GRID1: variants seen among roughly 807,000 people sequenced by gnomAD.
The protein encoded by GRID1 is glutamate receptor ionotropic, delta-1.
Under a neutral mutation model 98.0 loss-of-function variants are expected in GRID1, and 28 were observed. The observed-to-expected ratio is 0.29, with a 90% CI of 0.21 to 0.39. GRID1 has a LOEUF of 0.39. GRID1 is among the 10% of genes least tolerant of loss of function. The pLI is 1.00. For synonymous variants in GRID1, 553 were observed against 538.5 expected (o/e 1.03, Z -0.37); for missense variants, 1,111 against 1,340.5 (o/e 0.83, Z 2.67).
At chr10:85,781,736 T>C (rs570381174) in intron 8 of GRID1, among the ~76,000 whole-genome samples, 1 of 151,960 alleles carries the variant, frequency 6.6e-6, no homozygotes, top group East Asian at 1.9e-4. Context: ...GACAGTGTTA[T>C]ATAAGCCTGT....
At chr10:85,819,528 T>C (rs1842743737) in intron 8 of GRID1, among the ~76,000 whole-genome samples, 1 of 152,208 alleles carries the variant, frequency 6.6e-6, no homozygotes, top group Non-Finnish European at 1.5e-5. Context: ...TAACATCATA[T>C]GGATATCATG....
chr10:85,774,040 A>C (rs914154146), intron 8 of GRID1, among the ~76,000 whole-genome samples: 1 of 152,208 alleles, frequency 6.6e-6, no homozygotes, highest in African/African-American at 2.4e-5. Flanking sequence ...CAAAAGAACA[A>C]AGCTGTAGGC....
chr10:85,669,501 G>A (rs1210441616), intron 12 of GRID1, among the ~76,000 whole-genome samples: 1 of 152,170 alleles, frequency 6.6e-6, no homozygotes, highest in Non-Finnish European at 1.5e-5. Flanking sequence ...TACAGAGAGT[G>A]GAGTTCACAC....
chr10:85,996,284 G>A (rs1842737729), intron 4 of GRID1, among the ~76,000 whole-genome samples: 1 of 152,056 alleles, frequency 6.6e-6, no homozygotes, highest in Admixed American at 6.6e-5. Context: ...TTCTGGCAAA[G>A]GCTTTAAAGT....
chr10:85,870,594 C>T (rs938407918), intron 5 of GRID1, among the ~76,000 whole-genome samples: 1 of 152,216 alleles, frequency 6.6e-6, no homozygotes, highest in African/African-American at 2.4e-5. Flanking sequence ...AGCCAAAGTG[C>T]CGCTGGTAGG....
At chr10:85,997,972 A>G (rs1842760255) in intron 4 of GRID1, among the ~76,000 whole-genome samples, 1 of 152,236 alleles carries the variant, frequency 6.6e-6, no homozygotes, top group South Asian at 2.1e-4. Context: ...TAATGCATAG[A>G]GAAATATTAT....
At chr10:86,140,227 G>A (rs1844992449) in intron 3 of GRID1, among the ~76,000 whole-genome samples, 1 of 152,174 alleles carries the variant, frequency 6.6e-6, no homozygotes, top group Non-Finnish European at 1.5e-5. Flanking sequence ...AGCCGTGCCT[G>A]AGTCACACCC....
intron 2 of GRID1, among the ~76,000 whole-genome samples, chr10:86,293,467 G>T (rs897658049): frequency 6.6e-6 from 1 of 152,234 alleles, no homozygotes; most frequent in Non-Finnish European, 1.5e-5. Flanking sequence ...TAGAAGAAGA[G>T]CCATTTGATT....
chr10:86,016,837 T>C (rs1418077834), intron 4 of GRID1, among the ~76,000 whole-genome samples: 1 of 152,170 alleles, frequency 6.6e-6, no homozygotes. Flanking sequence ...CAGAACCACA[T>C]GGTTGAGGGA....
At chr10:86,105,687 GGAGA>G (rs1844373739) in intron 4 of GRID1, among the ~76,000 whole-genome samples, 2 of 152,188 alleles carry the variant, frequency 1.3e-5, no homozygotes, top group Non-Finnish European at 2.9e-5. Flanking sequence ...CCGGCACTGT[GGAGA>G]GAAAGATGCC....
chr10:85,958,957 C>CAAAA (rs199786360), intron 4 of GRID1, among the ~76,000 whole-genome samples: 2 of 99,274 alleles, frequency 2.0e-5, no homozygotes, highest in African/African-American at 7.4e-5. Flanking sequence ...AACTCCGTCT[C>CAAAA]AAAAAAAAAA....
intron 12 of GRID1, among the ~76,000 whole-genome samples, chr10:85,676,620 G>A (rs1841148386): frequency 6.6e-6 from 1 of 152,166 alleles, no homozygotes; most frequent in African/African-American, 2.4e-5. Flanking sequence ...CTTCCAATGA[G>A]CCTGCCCTAG....
At chr10:86,337,698 C>CTT (rs57891044) in intron 2 of GRID1, among the ~76,000 whole-genome samples, 4,936 of 73,324 alleles carry the variant, frequency 0.067, 1,277 homozygotes, top group African/African-American at 0.22. Flanking sequence ...CCTTTGGGAA[C>CTT]TTTTTTTTTT....
intron 4 of GRID1, among the ~76,000 whole-genome samples, chr10:85,991,866 G>A (rs1017609482): frequency 3.5e-5 from 4 of 114,258 alleles, no homozygotes; most frequent in African/African-American, 1.1e-4. Context: ...GAAAATGTGG[G>A]AGGAGGGTTG....
intron 8 of GRID1, among the ~76,000 whole-genome samples, chr10:85,756,421 T>C (rs991897760): frequency 1.3e-5 from 2 of 152,206 alleles, no homozygotes; most frequent in African/African-American, 2.4e-5. Flanking sequence ...GCAGCACTAA[T>C]CTTGTACTTT....
Position 86,365,743 on chromosome 10 carries a change from TCTAA to T in GRID1, c.79+567_79+570del, listed in dbSNP as rs1382846092. 6.6e-6 allele frequency among the ~76,000 whole-genome samples: 1 copy of T among 151,530 alleles called. No individual in the cohort carries two copies. The highest frequency in any genetic ancestry group is 1.5e-5 in the Non-Finnish European group (1 of 67,890). On this transcript the variant is annotated intron_variant, in intron 1 of 15. Coordinates refer to ENST00000327946, the MANE Select transcript of GRID1 (RefSeq NM_017551.3). This position sits in a 1 kb window ranked among gnomAD's most constrained non-coding sequence, Gnocchi z 4.8. ...AGAAGCAGGCAGACACTGTGTCCAC[TCTAA>T]CAGGCTGACAGACAGTCGTGCACGC...
At chr10:85,847,568 T>A (rs1434094717) in intron 8 of GRID1, among the ~76,000 whole-genome samples, 1 of 152,212 alleles carries the variant, frequency 6.6e-6, no homozygotes, top group Non-Finnish European at 1.5e-5. Context: ...ATATAGCTTA[T>A]AATAAAATGT....
At chr10:86,342,477 T>C (rs1848323205) in intron 2 of GRID1, among the ~76,000 whole-genome samples, 2 of 152,220 alleles carry the variant, frequency 1.3e-5, no homozygotes, top group South Asian at 4.1e-4. Flanking sequence ...CTCAGAAGTC[T>C]TTTGGGCAAC....
chr10:85,843,038 A>G (rs576285795), intron 8 of GRID1, among the ~76,000 whole-genome samples: 2 of 152,064 alleles, frequency 1.3e-5, no homozygotes, highest in African/African-American at 4.8e-5. Flanking sequence ...AGCAAATACA[A>G]TCCAACAATG....
Sources: allele counts gnomAD v4.1 joint callset (sites outside exome capture counted in the v4.1 genomes callset), GRCh38; gene constraint gnomAD v4.1.1; non-coding constraint Gnocchi (gnomAD v3.1); transcripts MANE v1.5; gene names NCBI Gene and HGNC (gene_info 2026-07-23, HGNC 2026-07-21).